LGSN: variants seen among roughly 807,000 people sequenced by gnomAD.
LGSN encodes lengsin, lens protein with glutamine synthetase domain, also known as lengsin.
A neutral mutation model predicts 19.5 loss-of-function variants in LGSN; 21 were observed. The ratio of observed to expected loss-of-function variants is 1.07; its 90% CI spans 0.76 to 1.55. The LOEUF (loss-of-function observed/expected upper bound fraction) is 1.55, where lower values mean the gene tolerates loss of function less well. Among genes scored for constraint, LGSN ranks in the 40% most tolerant of loss-of-function variants. The pLI, the probability that LGSN is intolerant of heterozygous loss-of-function variation, is 0.00. For synonymous variants in LGSN, 257 were observed against 215.6 expected (o/e 1.19, Z -1.68); for missense variants, 673 against 608.5 (o/e 1.11, Z -1.12).
the LGSN span, among the ~76,000 whole-genome samples, chr6:63,558,728 T>C: frequency 1.4e-3 from 210 of 152,264 alleles, 2 homozygotes; most frequent in East Asian, 0.036. Context: ...AAGTCTGAAA[T>C]TGTAAAGTGT....
the LGSN span, among the ~76,000 whole-genome samples, chr6:63,433,296 T>A: frequency 1.7e-4 from 26 of 152,284 alleles, no homozygotes; most frequent in Non-Finnish European, 3.8e-4. Context: ...ACAGACAATA[T>A]CTTAAGGGCT....
the LGSN span, among the ~76,000 whole-genome samples, chr6:63,420,892 T>C: frequency 6.6e-6 from 1 of 152,072 alleles, no homozygotes; most frequent in Admixed American, 6.6e-5. Context: ...ATTTTTTTAA[T>C]CTCAGCAAAG....
the LGSN span, among the ~76,000 whole-genome samples, chr6:63,414,202 A>G: frequency 6.6e-6 from 1 of 152,144 alleles, no homozygotes; most frequent in African/African-American, 2.4e-5. Context: ...GCTGGGTATA[A>G]ACTATGTGGC....
the LGSN span, among the ~76,000 whole-genome samples, chr6:63,514,061 C>T: frequency 8.6e-5 from 13 of 151,578 alleles, no homozygotes; most frequent in Non-Finnish European, 4.4e-5. Context: ...AGCGAAAAAT[C>T]TGTTAAAGAC....
the LGSN span, among the ~76,000 whole-genome samples, chr6:63,435,778 A>G: frequency 6.6e-6 from 1 of 152,150 alleles, no homozygotes; most frequent in East Asian, 1.9e-4. Flanking sequence ...TGAATATTTA[A>G]TATTGAATTG....
chr6:63,382,978 T>G, the LGSN span, among the ~76,000 whole-genome samples: 1 of 152,158 alleles, frequency 6.6e-6, no homozygotes, highest in Non-Finnish European at 1.5e-5. Flanking sequence ...TCTTTCTAAG[T>G]TTATGTAAGA....
the LGSN span, chr6:63,396,164 G>A: frequency 6.4e-6 from 1 of 155,718 alleles, no homozygotes; most frequent in Non-Finnish European, 1.4e-5. Flanking sequence ...CTGGTATGTT[G>A]GGCTGGGTAG....
chr6:63,326,428 C>T, the LGSN span, among the ~76,000 whole-genome samples: 1 of 152,240 alleles, frequency 6.6e-6, no homozygotes, highest in Admixed American at 6.5e-5. Context: ...GAGCTGCCTG[C>T]CAGTCCCGTG....
At chr6:63,528,493 G>A in the LGSN span, among the ~76,000 whole-genome samples, 1 of 152,032 alleles carries the variant, frequency 6.6e-6, no homozygotes, top group Admixed American at 6.6e-5. Context: ...GGGAGGCCAA[G>A]GTGGACAGAT....
the LGSN span, among the ~76,000 whole-genome samples, chr6:63,384,179 C>T: frequency 6.6e-6 from 1 of 152,150 alleles, no homozygotes; most frequent in South Asian, 2.1e-4. Context: ...GCTTGAAGGG[C>T]CCTGATTTCA....
At chr6:63,519,180 G>A in the LGSN span, among the ~76,000 whole-genome samples, 1 of 152,076 alleles carries the variant, frequency 6.6e-6, no homozygotes, top group Non-Finnish European at 1.5e-5. Flanking sequence ...GATGGTGGGT[G>A]CCTGTAATCC....
chr6:63,486,703 G>C, the LGSN span, among the ~76,000 whole-genome samples: 2 of 24,308 alleles, frequency 8.2e-5, no homozygotes, highest in African/African-American at 3.6e-4. Context: ...TTTTTTTTTT[G>C]AGACGGAGTC....
the LGSN span, among the ~76,000 whole-genome samples, chr6:63,391,239 A>G: frequency 6.6e-6 from 1 of 152,242 alleles, no homozygotes; most frequent in African/African-American, 2.4e-5. Context: ...TGGGTTTGAG[A>G]AAAACATGAC....
the LGSN span, among the ~76,000 whole-genome samples, chr6:63,453,995 G>A: frequency 1.2e-3 from 182 of 152,094 alleles, 2 homozygotes; most frequent in East Asian, 3.9e-4. Flanking sequence ...AATAAACTAG[G>A]TACAGTTATT....
chr6:63,482,659 G>A, the LGSN span, among the ~76,000 whole-genome samples: 1 of 152,146 alleles, frequency 6.6e-6, no homozygotes, highest in East Asian at 1.9e-4. Flanking sequence ...CCAGGAGGCA[G>A]AGGTTGCAAT....
chr6:63,474,347 G>A, the LGSN span, among the ~76,000 whole-genome samples: 1 of 152,194 alleles, frequency 6.6e-6, no homozygotes, highest in Non-Finnish European at 1.5e-5. Context: ...AGTGGTTCAT[G>A]CCTGTAATCC....
chr6:63,435,838 G>T, the LGSN span, among the ~76,000 whole-genome samples: 1 of 149,304 alleles, frequency 6.7e-6, no homozygotes, highest in African/African-American at 2.5e-5. Context: ...AATGTTTCAC[G>T]AAAGTTTTCT....
At chr6:63,520,882 A>G in the LGSN span, among the ~76,000 whole-genome samples, 1 of 152,124 alleles carries the variant, frequency 6.6e-6, no homozygotes, top group African/African-American at 2.4e-5. Context: ...GTTTATATAC[A>G]CCATGGAATA....
chr6:63,445,306 G>A, the LGSN span, among the ~76,000 whole-genome samples: 9 of 151,862 alleles, frequency 5.9e-5, no homozygotes, highest in South Asian at 4.2e-4. Context: ...GGGAGACTCC[G>A]TCTCAAAAAA....
Sources: allele counts gnomAD v4.1 joint callset (sites outside exome capture counted in the v4.1 genomes callset), GRCh38; gene constraint gnomAD v4.1.1; transcripts MANE v1.5; gene names NCBI Gene and HGNC (gene_info 2026-07-23, HGNC 2026-07-21).